STAC: variants seen among roughly 807,000 people sequenced by gnomAD.
STAC encodes SH3 and cysteine-rich domain-containing protein.
Under a neutral mutation model 48.8 loss-of-function variants are expected in STAC, and 43 were observed. The ratio of observed to expected loss-of-function variants is 0.88; its 90% CI spans 0.69 to 1.14. STAC has a LOEUF of 1.14. STAC is among the 50% of genes most tolerant of loss of function. The pLI is 0.00. For missense variants in STAC, 497 were observed against 504.0 expected (o/e 0.99, Z 0.13); for synonymous variants, 193 against 179.5 (o/e 1.07, Z -0.60).
At chr3:36,429,229 G>C (rs969027669) in intron 1 of STAC, among the ~76,000 whole-genome samples, 5 of 152,138 alleles carry the variant, frequency 3.3e-5, no homozygotes, top group African/African-American at 1.2e-4. Flanking sequence ...AAGTAAGCTG[G>C]AGGACTGCTT....
intron 10 of STAC, among the ~76,000 whole-genome samples, chr3:36,533,629 T>G (rs558057698): frequency 6.6e-6 from 1 of 152,148 alleles, no homozygotes; most frequent in Admixed American, 6.5e-5. Flanking sequence ...GCAGAACATC[T>G]GTTCAGTGAC....
At chr3:36,413,079 A>G (rs911199181) in intron 1 of STAC, among the ~76,000 whole-genome samples, 1 of 152,144 alleles carries the variant, frequency 6.6e-6, no homozygotes, top group Non-Finnish European at 1.5e-5. Context: ...TTTGCTGAGG[A>G]GTGCTTTACT....
intron 8 of STAC, among the ~76,000 whole-genome samples, chr3:36,519,740 C>T (rs1217471202): frequency 6.6e-6 from 1 of 152,094 alleles, no homozygotes; most frequent in Admixed American, 6.5e-5. Context: ...AAATTGAACA[C>T]ATGTCAGAAT....
chr3:36,460,876 G>T (rs56279726), intron 2 of STAC, among the ~76,000 whole-genome samples: 20,624 of 151,872 alleles, frequency 0.14, 1,568 homozygotes, highest in African/African-American at 0.21. Context: ...AAAATTCATA[G>T]GAAACCACAA....
At chr3:36,529,095 C>T (rs1220648895) in intron 10 of STAC, 110 bp downstream of exon 10, 21 of 1,127,190 alleles carry the variant, frequency 1.9e-5, no homozygotes, top group Non-Finnish European at 2.4e-5. Flanking sequence ...TCAAAGTATT[C>T]ACTTTGAGAA....
chr3:36,464,171 C>G (rs577390830), intron 2 of STAC, among the ~76,000 whole-genome samples: 2 of 152,188 alleles, frequency 1.3e-5, no homozygotes, highest in Non-Finnish European at 2.9e-5. Context: ...CACATCCTCT[C>G]CAGCACCTGT....
chr3:36,428,800 A>G (rs995986246), intron 1 of STAC, among the ~76,000 whole-genome samples: 2 of 152,230 alleles, frequency 1.3e-5, no homozygotes, highest in Non-Finnish European at 2.9e-5. Flanking sequence ...ATCAGAGGTC[A>G]GATCACGGAA....
intron 4 of STAC, chr3:36,485,870 G>C (rs1697795657): frequency 3.3e-6 from 1 of 307,670 alleles, no homozygotes; most frequent in African/African-American, 2.1e-5. Context: ...AAATCAGAGA[G>C]GAATAACGAA....
In STAC at chr3:36,451,635, A is replaced by T. The variant is rs78152084; in HGVS notation, c.388+7995A>T. Among the ~76,000 whole-genome samples, 216 of 152,276 alleles carry T rather than the reference A, an allele frequency of 1.4e-3. 4 individuals are homozygous for T. The East Asian group carries it at 0.04, about 28-fold the overall frequency. ...TTTCTTTCCTTTTCATTGATACATA[A>T]TAATTGTACCTATTTATGAGTTACA... On this transcript the variant is annotated intron_variant, in intron 2 of 10. Coordinates refer to ENST00000273183, the MANE Select transcript of STAC (RefSeq NM_003149.3).
intron 1 of STAC, among the ~76,000 whole-genome samples, chr3:36,397,213 T>C (rs551722036): frequency 1.6e-4 from 25 of 152,182 alleles, no homozygotes; most frequent in South Asian, 6.2e-4. Flanking sequence ...AGATACTGAG[T>C]TCCTGATAGA....
intron 2 of STAC, among the ~76,000 whole-genome samples, chr3:36,465,196 A>G (rs1432051951): frequency 1.2e-4 from 18 of 152,042 alleles, no homozygotes; most frequent in Non-Finnish European, 5.9e-5. Flanking sequence ...TTTGATTTGC[A>G]TTTCCCTGAT....
In STAC at chr3:36,517,811, T is replaced by C. The variant is rs367876142; in HGVS notation, c.921-10885T>C. ...CCTTCTGGCCAAGTGGGTGTGTACA[T>C]GTGTGTGATACACTTATACATGTAA... On this transcript the variant is annotated intron_variant, in intron 8 of 10. Coordinates refer to ENST00000273183, the MANE Select transcript of STAC (RefSeq NM_003149.3). 2.3e-4 allele frequency among the ~76,000 whole-genome samples: 35 copies of C among 152,278 alleles called. No homozygotes were observed. The East Asian group carries it at 3.9e-3, about 17-fold the overall frequency.
Position 36,476,096 on chromosome 3 carries a change from C to T in STAC, c.389-6896C>T, listed in dbSNP as rs1212569909. Reference sequence around the variant, plus strand: ...ATGTCTTTCCATAGAATTAAAGGGGCGAAGCCCCAGTATTCTCTTGGCCTG... The same window carrying T: ...ATGTCTTTCCATAGAATTAAAGGGGTGAAGCCCCAGTATTCTCTTGGCCTG... On this transcript the variant is annotated intron_variant, in intron 2 of 10. Transcript: ENST00000273183. Among the ~76,000 whole-genome samples the T allele has an allele frequency of 6.6e-5, 10 of 152,338 alleles. No homozygotes were observed. The South Asian group carries it at 1.2e-3, about 19-fold the overall frequency.
chr3:36,400,294 C>A (rs768860076), intron 1 of STAC, among the ~76,000 whole-genome samples: 1 of 152,216 alleles, frequency 6.6e-6, no homozygotes, highest in Non-Finnish European at 1.5e-5. Context: ...TGCTCAGCTA[C>A]TGTCAAATGG....
intron 1 of STAC, among the ~76,000 whole-genome samples, chr3:36,423,899 A>G (rs2125646719): frequency 6.6e-6 from 1 of 152,196 alleles, no homozygotes; most frequent in Non-Finnish European, 1.5e-5. Context: ...TTTGCTCATA[A>G]ATAATCTATT....
intron 1 of STAC, among the ~76,000 whole-genome samples, chr3:36,437,733 T>C (rs1438119373): frequency 6.6e-6 from 1 of 151,006 alleles, no homozygotes; most frequent in Non-Finnish European, 1.5e-5. Flanking sequence ...CATATGTAAC[T>C]AACCTGCACA....
At chr3:36,445,253 T>TA (rs909567572) in intron 2 of STAC, among the ~76,000 whole-genome samples, 17 of 151,950 alleles carry the variant, frequency 1.1e-4, no homozygotes, top group Admixed American at 3.9e-4. Context: ...TGAATATCAC[T>TA]AAAAAAAATG....
chr3:36,382,000 G>A (rs1441640427), intron 1 of STAC, among the ~76,000 whole-genome samples: 2 of 152,162 alleles, frequency 1.3e-5, no homozygotes, highest in Non-Finnish European at 2.9e-5. Flanking sequence ...GTACATGAGA[G>A]GCCCTAATGT....
chr3:36,505,917 C>G (rs1010782294), intron 8 of STAC, 83 bp downstream of exon 8: 1 of 873,774 alleles, frequency 1.1e-6, no homozygotes, highest in Non-Finnish European at 1.8e-6. Context: ...CCATCTGTGC[C>G]CCTCCTAATG....
Sources: allele counts gnomAD v4.1 joint callset (sites outside exome capture counted in the v4.1 genomes callset), GRCh38; gene constraint gnomAD v4.1.1; transcripts MANE v1.5; gene names NCBI Gene and HGNC (gene_info 2026-07-23, HGNC 2026-07-21).